Variants in CPNE5 observed in about 807,000 individuals in gnomAD.
The protein encoded by CPNE5 is copine 5, also known as copine-5.
A neutral mutation model predicts 81.1 loss-of-function variants in CPNE5; 42 were observed. The observed-to-expected ratio is 0.52, with a 90% CI of 0.40 to 0.67. CPNE5 has a LOEUF of 0.67. Ranked by LOEUF, CPNE5 falls within the 30% of genes least tolerant of loss-of-function variation. The probability of loss-of-function intolerance (pLI) is 0.00; values close to 1 mark genes in which losing one functional copy is unlikely to be tolerated. For missense variants in CPNE5, 612 were observed against 815.5 expected (o/e 0.75, Z 3.04); for synonymous variants, 313 against 321.5 (o/e 0.97, Z 0.28).
intron 8 of CPNE5, among the ~76,000 whole-genome samples, chr6:36,790,996 C>A (rs1238498222): frequency 6.6e-6 from 1 of 152,198 alleles, no homozygotes; most frequent in Non-Finnish European, 1.5e-5. Flanking sequence ...TGATCCGTAG[C>A]ACTGACCTCC....
intron 8 of CPNE5, among the ~76,000 whole-genome samples, chr6:36,788,673 A>C (rs1167119931): frequency 6.6e-6 from 1 of 150,398 alleles, no homozygotes; most frequent in African/African-American, 2.4e-5. Context: ...AGGCAGTAAC[A>C]ATCGTTTTAC....
rs551036841 is a variant in CPNE5, at chr6:36,814,704, G to A, written c.183+7410C>T. Among the ~76,000 whole-genome samples the A allele has an allele frequency of 3.3e-5, 5 of 152,288 alleles. No homozygotes were observed. The East Asian group carries it at 5.8e-4, about 18-fold the overall frequency. ...GCTCTGGGCTGCAGAAGGGGATGGC[G>A]GGGACACATGCTGTCCAGGAGGGTG... On this transcript the variant is annotated intron_variant, in intron 3 of 20. Coordinates refer to ENST00000244751, the MANE Select transcript of CPNE5 (RefSeq NM_020939.2).
At chr6:36,743,276 G>A (rs1014166193) in intron 20 of CPNE5, 14 of 974,588 alleles carry the variant, frequency 1.4e-5, no homozygotes, top group South Asian at 1.4e-4. Flanking sequence ...TATTTGCACC[G>A]TTCATGGAGA....
intron 8 of CPNE5, among the ~76,000 whole-genome samples, chr6:36,779,962 C>T (rs1767882765): frequency 7.2e-6 from 1 of 139,126 alleles, no homozygotes; most frequent in South Asian, 2.5e-4. Context: ...CACATCCCCC[C>T]TTCCTATTTT....
rs775929887 is a variant in CPNE5 at position 36,746,608 on chromosome 6, A to G, written c.1019-31T>C. The G allele has an allele frequency of 7.6e-6, 12 of 1,585,808 alleles. No homozygotes were observed. Among genetic ancestry groups the G allele is most frequent in the African/African-American group, 4.1e-5 (3 of 72,994 alleles). On this transcript the variant is annotated intron_variant, in intron 15 of 20. Coordinates refer to ENST00000244751, the MANE Select transcript of CPNE5 (RefSeq NM_020939.2). The surrounding 1 kb of genome is among the most constrained non-coding windows in gnomAD (Gnocchi z 4.5). The stretch of plus-strand genomic sequence containing the variant: ...ACACAGGACATGGGAGCCTTTGACC[A>G]TCTGGACCCTCCAAGTCACCCCGGG...
In CPNE5 at chr6:36,799,388, G is replaced by A. The variant is rs530461629; in HGVS notation, c.287+579C>T. Among the ~76,000 whole-genome samples, 6 of 152,108 alleles carry A rather than the reference G, an allele frequency of 3.9e-5. No individual in the cohort carries two copies. The South Asian group carries it at 1.0e-3, about 26-fold the overall frequency. ...CCCACCCTGACCACTCTTCTGTGGGGCAAAGACTTTTCAAACCATCCCATA... is the reference window on the plus strand; with the variant it reads ...CCCACCCTGACCACTCTTCTGTGGGACAAAGACTTTTCAAACCATCCCATA... On this transcript the variant is annotated intron_variant, in intron 4 of 20. Transcript: ENST00000244751.
chr6:36,787,261 A>G (rs1427428215), intron 8 of CPNE5, among the ~76,000 whole-genome samples: 1 of 152,084 alleles, frequency 6.6e-6, no homozygotes, highest in African/African-American at 2.4e-5. Context: ...TGGAAAAACA[A>G]AAGTTTTGAT....
Position 36,775,077 on chromosome 6 carries a change from G to A in CPNE5, c.633-12C>T, listed in dbSNP as rs531801722. 3.1e-6 allele frequency: 5 copies of A among 1,608,934 alleles called. No homozygotes were observed. Among genetic ancestry groups the A allele is most frequent in the East Asian group, 2.2e-5 (1 of 44,846 alleles). ...GGCAAATGGTGAACCTGGTGAAGAA[G>A]AAGAGAGGGAAAGGCTGTCAGGCCC... On this transcript the variant is annotated splice_polypyrimidine_tract_variant and intron_variant, in intron 9 of 20. Coordinates refer to ENST00000244751, the MANE Select transcript of CPNE5 (RefSeq NM_020939.2).
intron 6 of CPNE5, 117 bp from the exon 7 acceptor site, chr6:36,794,766 A>G (rs1582914378): frequency 1.1e-6 from 1 of 872,012 alleles, no homozygotes; most frequent in African/African-American, 1.7e-5. Flanking sequence ...GAAGTCATTA[A>G]AACAGGATCA....
At chr6:36,833,043 T>A (rs752335654) in intron 1 of CPNE5, among the ~76,000 whole-genome samples, 2 of 152,150 alleles carry the variant, frequency 1.3e-5, no homozygotes, top group African/African-American at 2.4e-5. Context: ...GCCTCTCCCA[T>A]CCCTGGGGAG....
chr6:36,781,186 G>A (rs1768006896), intron 8 of CPNE5, among the ~76,000 whole-genome samples: 1 of 152,082 alleles, frequency 6.6e-6, no homozygotes, highest in Non-Finnish European at 1.5e-5. Flanking sequence ...AGGTAATGAC[G>A]ACTTTTATTA....
chr6:36,836,811 T>G (rs952802342), intron 1 of CPNE5, among the ~76,000 whole-genome samples: 2 of 152,108 alleles, frequency 1.3e-5, no homozygotes, highest in African/African-American at 2.4e-5. Flanking sequence ...GGCAGAGAGA[T>G]GCATCTACAA....
chr6:36,783,937 A>G (rs1248226782), intron 8 of CPNE5, among the ~76,000 whole-genome samples: 1 of 152,236 alleles, frequency 6.6e-6, no homozygotes, highest in Non-Finnish European at 1.5e-5. Context: ...AAGATTAATA[A>G]CTGAGATTCC....
At chr6:36,747,165 T>C (rs1582696353) in intron 15 of CPNE5, among the ~76,000 whole-genome samples, 1 of 152,250 alleles carries the variant, frequency 6.6e-6, no homozygotes, top group East Asian at 1.9e-4. Context: ...TGCTCAAGTG[T>C]CACCTCCTCA....
chr6:36,816,627 C>T (rs748253062), intron 3 of CPNE5, among the ~76,000 whole-genome samples: 1 of 152,178 alleles, frequency 6.6e-6, no homozygotes, highest in African/African-American at 2.4e-5. Flanking sequence ...GGAACTGGTT[C>T]CTGTTTACTT....
intron 3 of CPNE5, among the ~76,000 whole-genome samples, chr6:36,801,005 G>A (rs1349670630): frequency 6.6e-6 from 1 of 152,202 alleles, no homozygotes; most frequent in Non-Finnish European, 1.5e-5. Context: ...CTGTGACCTT[G>A]TGAGAGACCC....
intron 3 of CPNE5, among the ~76,000 whole-genome samples, chr6:36,813,090 A>C (rs1177221782): frequency 6.6e-6 from 1 of 152,240 alleles, no homozygotes; most frequent in African/African-American, 2.4e-5. Context: ...CCCTGTGTTC[A>C]TGCCCACCAC....
chr6:36,796,444 C>T (rs1769583239), intron 6 of CPNE5, among the ~76,000 whole-genome samples: 1 of 152,202 alleles, frequency 6.6e-6, no homozygotes, highest in Admixed American at 6.5e-5. Flanking sequence ...TTGGGAAGCA[C>T]AGACACCCTC....
intron 12 of CPNE5, chr6:36,757,464 C>G: frequency 1.4e-6 from 1 of 718,292 alleles, no homozygotes; most frequent in Non-Finnish European, 1.7e-6. Context: ...TAAAGTCACA[C>G]AGCCATCTGG....
Sources: gnomAD v4.1 joint callset for allele counts (sites outside exome capture counted in the v4.1 genomes callset) on GRCh38, gnomAD v4.1.1 for gene constraint, Gnocchi (gnomAD v3.1) non-coding constraint, MANE v1.5 for transcripts, NCBI Gene and HGNC (gene_info 2026-07-23, HGNC 2026-07-21) for gene names.